TLE1: variants seen among roughly 807,000 people sequenced by gnomAD.
The protein encoded by TLE1 is transducin-like enhancer protein 1.
In TLE1, 21 loss-of-function variants were observed where a neutral mutation model predicts 89.8. The observed-to-expected ratio is 0.23, with a 90% CI of 0.17 to 0.34. TLE1 has a LOEUF of 0.34. TLE1 is among the 10% of genes least tolerant of loss of function. The probability of loss-of-function intolerance (pLI) is 1.00; values close to 1 mark genes in which losing one functional copy is unlikely to be tolerated. For missense variants in TLE1, 795 were observed against 1,031.2 expected (o/e 0.77, Z 3.14); for synonymous variants, 447 against 407.6 (o/e 1.10, Z -1.16).
intron 4 of TLE1, among the ~76,000 whole-genome samples, chr9:81,669,469 T>G (rs1831930000): frequency 4.6e-5 from 7 of 152,210 alleles, no homozygotes; most frequent in Admixed American, 3.3e-4. Context: ...TCAGCTGAAG[T>G]CTGGAACGCA....
rs1032505836 is a variant in TLE1 at position 81,613,654 on chromosome 9, T to A, written c.919-133A>T. 8 of 1,007,184 alleles carry A rather than the reference T, an allele frequency of 7.9e-6. No individual in the cohort carries two copies. In the East Asian group the frequency reaches 1.7e-4, roughly 21 times the overall value. The allele number at this position is 1,007,184 out of a possible 1,614,324, so 62.4% of individuals were successfully genotyped here. On this transcript the variant is annotated intron_variant, in intron 11 of 19. Coordinates refer to ENST00000376499, the MANE Select transcript of TLE1 (RefSeq NM_005077.5). Reference sequence around the variant, plus strand: ...AGCCAATTTTCATAAATCCACACAATGTTGACAGCATTAACTTGTGAGCGA... The same window carrying A: ...AGCCAATTTTCATAAATCCACACAAAGTTGACAGCATTAACTTGTGAGCGA...
intron 4 of TLE1, among the ~76,000 whole-genome samples, chr9:81,665,520 G>GAA (rs957373900): frequency 6.7e-6 from 1 of 148,204 alleles, no homozygotes; most frequent in Non-Finnish European, 1.5e-5. Context: ...AGAAAGGAAG[G>GAA]AAAAAAAAAA....
rs1283604390 is a variant in TLE1 at position 81,585,633 on chromosome 9, G to C, written c.2000C>G (p.Pro667Arg). 2 of 1,613,786 alleles carry C rather than the reference G, an allele frequency of 1.2e-6. No homozygotes were observed. The highest frequency in any genetic ancestry group is 1.1e-5 in the South Asian group (1 of 91,054). Reference protein sequence around the residue: ...TSQIFSLGYCPTGEWLAVGME... With the variant: ...TSQIFSLGYCRTGEWLAVGME... ...GCCCACTGCCAGCCACTCCCCGGTG[G>C]GGCAGTACCCCAGGGAGAAGATCTA... The change falls in exon 18 of 20, where the codon CCC becomes CGC. Residue 667 changes from proline to arginine, a missense_variant. By Grantham distance (103) the Pro-to-Arg change is moderately radical (BLOSUM62 -2). This residue lies in a region of TLE1 where 214 missense variants were observed against 354.9 expected (regional missense o/e 0.60). Coordinates refer to ENST00000376499, the MANE Select transcript of TLE1 (RefSeq NM_005077.5).
intron 5 of TLE1, 35 bp downstream of exon 5, chr9:81,653,939 T>C (rs202220952): frequency 1.3e-6 from 2 of 1,598,294 alleles, no homozygotes; most frequent in South Asian, 1.1e-5. Flanking sequence ...AGAAGCAACA[T>C]AATTGCACTT....
intron 8 of TLE1, among the ~76,000 whole-genome samples, chr9:81,631,166 AC>A (rs937491560): frequency 4.6e-5 from 7 of 152,232 alleles, no homozygotes; most frequent in Non-Finnish European, 8.8e-5. Context: ...CTTACAAATA[AC>A]CCACAGTTGC....
At chr9:81,610,345 C>T (rs1252191024) in intron 13 of TLE1, 49 bp from the exon 14 acceptor site, 2 of 1,407,862 alleles carry the variant, frequency 1.4e-6, no homozygotes, top group African/African-American at 2.8e-5. Context: ...GCAGCAGGCA[C>T]TTTGTGAACA....
chr9:81,663,311 G>A (rs1017332719), intron 4 of TLE1, among the ~76,000 whole-genome samples: 7 of 148,912 alleles, frequency 4.7e-5, no homozygotes, highest in African/African-American at 2.5e-5. Flanking sequence ...TAGAAAAACA[G>A]AGGTCTAAAG....
chr9:81,611,891 C>A lies in TLE1; in HGVS notation c.1132G>T (p.Ala378Ser). ...CTGGTCAGCTCGCCGTTCATGCCAGCGTGGGGGACCATCCCAAAAGGAGCA... is the reference window on the plus strand; with the variant it reads ...CTGGTCAGCTCGCCGTTCATGCCAGAGTGGGGGACCATCCCAAAAGGAGCA... ...YPAPFGMVPH[A>S]GMNGELTSPG... Residue 378 changes from alanine to serine, a missense_variant, in exon 13 of 20, where the codon GCT (alanine) becomes TCT (serine). By Grantham distance (99) the Ala-to-Ser change is moderately conservative. Coordinates refer to ENST00000376499, the MANE Select transcript of TLE1 (RefSeq NM_005077.5). The A allele has an allele frequency of 2.6e-6, 4 of 1,537,722 alleles. No individual in the cohort carries two copies. Among genetic ancestry groups the A allele is most frequent in the Non-Finnish European group, 2.6e-6 (3 of 1,146,134 alleles).
At chr9:81,676,492 G>C (rs927309002) in intron 4 of TLE1, among the ~76,000 whole-genome samples, 4 of 152,096 alleles carry the variant, frequency 2.6e-5, no homozygotes, top group Admixed American at 6.6e-5. Context: ...ACAAAAGCCT[G>C]GACTTTTTAT....
At position 81,688,437 on chromosome 9, in the gene TLE1, G is replaced by A. The variant is rs1588294653; in HGVS notation, c.-197C>T. On this transcript the variant is annotated 5_prime_UTR_variant, in exon 1 of 20. Coordinates refer to ENST00000376499, the MANE Select transcript of TLE1 (RefSeq NM_005077.5). Reference sequence around the variant, plus strand: ...CTCCGGCTCCCGCTCCCGTCGGTGCGGGCTCCGGCCCTCAGGGCCACATTA... The same window carrying A: ...CTCCGGCTCCCGCTCCCGTCGGTGCAGGCTCCGGCCCTCAGGGCCACATTA... 3 of 537,752 alleles carry A rather than the reference G, an allele frequency of 5.6e-6. No homozygotes were observed. The highest frequency in any genetic ancestry group is 9.3e-6 in the Non-Finnish European group (3 of 322,918). The allele number at this position is 537,752 out of a possible 1,614,324, so 33.3% of individuals were successfully genotyped here. A position where few individuals can be genotyped will look rare whatever the true frequency, so the allele number is the denominator to read the frequency against.
intron 9 of TLE1, among the ~76,000 whole-genome samples, 185 bp downstream of exon 9, chr9:81,620,256 C>A (rs764391791): frequency 4.6e-5 from 7 of 152,138 alleles, no homozygotes; most frequent in Admixed American, 6.5e-5. Flanking sequence ...AAGCTTAACA[C>A]TGAGCCCGGC....
chr9:81,606,322 A>C (rs1831647608), intron 14 of TLE1, among the ~76,000 whole-genome samples: 1 of 152,202 alleles, frequency 6.6e-6, no homozygotes, highest in African/African-American at 2.4e-5. Context: ...ACATGCACAC[A>C]TATGTTTATT....
chr9:81,684,274 A>G (rs1259820222), intron 4 of TLE1, among the ~76,000 whole-genome samples: 2 of 152,202 alleles, frequency 1.3e-5, no homozygotes, highest in African/African-American at 4.8e-5. Context: ...GTGCCTGAAT[A>G]AGGCACTAGC....
At position 81,611,789 on chromosome 9, in the gene TLE1, C is replaced by T. The variant is rs761615259; in HGVS notation, c.1234G>A (p.Ala412Thr). 6.5e-7 allele frequency: 1 copy of T among 1,545,016 alleles called. No individual in the cohort carries two copies. The highest frequency in any genetic ancestry group is 2.5e-5 in the East Asian group (1 of 39,224). ...CCTACCATGGGGGAGCGCCCGTAGG[C>T]CACCACGGCGGCCGCGGCGGCTGCG... ...SAAAAAAAVVAYGRSPMVGFD... is the reference protein window; with the variant it reads ...SAAAAAAAVVTYGRSPMVGFD... The change falls in exon 13 of 20, where the codon GCC becomes ACC. Residue 412 changes from alanine to threonine, a missense_variant. Transcript: ENST00000376499.
At chr9:81,672,258 G>T (rs1832317192) in intron 4 of TLE1, among the ~76,000 whole-genome samples, 1 of 152,092 alleles carries the variant, frequency 6.6e-6, no homozygotes, top group African/African-American at 2.4e-5. Flanking sequence ...TTGGGATTAA[G>T]AGTAAACAGC....
chr9:81,602,353 A>AG (rs1831052978), intron 14 of TLE1, among the ~76,000 whole-genome samples: 1 of 152,226 alleles, frequency 6.6e-6, no homozygotes, highest in Admixed American at 6.5e-5. Flanking sequence ...CAGGACCAGA[A>AG]GTGTTTCTGA....
At chr9:81,663,385 G>A (rs1831062289) in intron 4 of TLE1, among the ~76,000 whole-genome samples, 1 of 152,122 alleles carries the variant, frequency 6.6e-6, no homozygotes. Flanking sequence ...TCTTTCTCCA[G>A]AAAGCAGAAG....
intron 2 of TLE1, 23 bp from the exon 3 acceptor site, chr9:81,685,919 TTAATG>T (rs773477051): frequency 6.2e-7 from 1 of 1,611,424 alleles, no homozygotes; most frequent in East Asian, 2.2e-5. Context: ...AACAGGCAAC[TTAATG>T]TAAACATTAT....
intron 12 of TLE1, chr9:81,612,543 C>T (rs184614678): frequency 5.8e-6 from 1 of 173,440 alleles, no homozygotes; most frequent in Non-Finnish European, 1.1e-5. Context: ...CGCAGAGAAA[C>T]CCTCCTAATT....
Sources: gnomAD v4.1 joint callset for allele counts (sites outside exome capture counted in the v4.1 genomes callset) on GRCh38, gnomAD v4.1.1 for gene constraint, gnomAD v4.1.1 regional missense constraint, MANE v1.5 for transcripts, NCBI Gene and HGNC (gene_info 2026-07-23, HGNC 2026-07-21) for gene names.